PAK5: variants seen among roughly 807,000 people sequenced by gnomAD.
PAK5 encodes p21 (RAC1) activated kinase 5, also known as serine/threonine-protein kinase PAK 5.
PAK5 carries 16 observed loss-of-function variants against 65.9 expected under a neutral mutation model. The observed-to-expected ratio is 0.24, with a 90% CI of 0.16 to 0.37. The LOEUF (loss-of-function observed/expected upper bound fraction) is 0.37. PAK5 is among the 10% of genes least tolerant of loss of function. The probability of loss-of-function intolerance (pLI) is 1.00; values close to 1 mark genes in which losing one functional copy is unlikely to be tolerated. For synonymous variants in PAK5, 371 were observed against 354.9 expected (o/e 1.05, Z -0.51); for missense variants, 785 against 903.9 (o/e 0.87, Z 1.69).
intron 3 of PAK5, among the ~76,000 whole-genome samples, chr20:9,614,814 T>A (rs994236731): frequency 6.6e-6 from 1 of 152,218 alleles, no homozygotes; most frequent in African/African-American, 2.4e-5. Flanking sequence ...ATCTGCCTTG[T>A]TAAATGTTCA....
chr20:9,557,020 T>A (rs759838192), intron 7 of PAK5, among the ~76,000 whole-genome samples: 3 of 152,176 alleles, frequency 2.0e-5, no homozygotes, highest in Non-Finnish European at 4.4e-5. Flanking sequence ...CTCCGAAATC[T>A]ATAGCAATCT....
chr20:9,611,526 C>T lies in PAK5; in HGVS notation c.205-30596G>A, dbSNP rs192355795. ...CAAAAGCTCTTTTCTTGTCACTTCT[C>T]TACAAAATTATCCATCTTTGTTAAG... On this transcript the variant is annotated intron_variant, in intron 3 of 9. Transcript: ENST00000353224. 2.3e-3 allele frequency among the ~76,000 whole-genome samples: 355 copies of T among 152,328 alleles called. 2 individuals carry two copies. The highest frequency in any genetic ancestry group is 7.0e-3 in the African/African-American group (291 of 41,578).
intron 3 of PAK5, among the ~76,000 whole-genome samples, chr20:9,613,176 G>A (rs751644944): frequency 5.3e-5 from 8 of 152,202 alleles, no homozygotes. Flanking sequence ...CCAGTGACAC[G>A]TAGGAAGCTT....
intron 1 of PAK5, among the ~76,000 whole-genome samples, chr20:9,741,461 G>A (rs2048450345): frequency 6.6e-6 from 1 of 152,020 alleles, no homozygotes; most frequent in Non-Finnish European, 1.5e-5. Flanking sequence ...ATAAGCTTTC[G>A]GAGGAATGAG....
chr20:9,632,997 C>T lies in PAK5; in HGVS notation c.204+11128G>A, dbSNP rs1408197744. Among the ~76,000 whole-genome samples the T allele has an allele frequency of 3.9e-5, 6 of 152,070 alleles. No homozygotes were observed. In the East Asian group the frequency reaches 5.8e-4, roughly 15 times the overall value. On this transcript the variant is annotated intron_variant, in intron 3 of 9. Transcript: ENST00000353224. ...AGACTTGCTTTCCTTACCCAAAAGACGGAGTTACTACTCTCTAATTGAAAA... is the reference window on the plus strand; with the variant it reads ...AGACTTGCTTTCCTTACCCAAAAGATGGAGTTACTACTCTCTAATTGAAAA...
chr20:9,661,762 C>A (rs2047350297), intron 2 of PAK5, among the ~76,000 whole-genome samples: 1 of 152,068 alleles, frequency 6.6e-6, no homozygotes, highest in African/African-American at 2.4e-5. Context: ...TTATTTAATG[C>A]CCCTACTAAA....
At chr20:9,819,729 G>A (rs1457529090) in intron 1 of PAK5, among the ~76,000 whole-genome samples, 3 of 152,076 alleles carry the variant, frequency 2.0e-5, no homozygotes, top group African/African-American at 7.2e-5. Flanking sequence ...ACCCAGGTGG[G>A]AATACAAAAG....
intron 8 of PAK5, 74 bp from the exon 9 acceptor site, chr20:9,542,794 C>A: frequency 7.6e-7 from 1 of 1,313,322 alleles, no homozygotes; most frequent in Non-Finnish European, 1.1e-6. Flanking sequence ...CACAGAACCT[C>A]ATACTCATTC....
intron 8 of PAK5, 81 bp downstream of exon 8, chr20:9,544,288 G>A: frequency 6.9e-7 from 1 of 1,456,600 alleles, no homozygotes. Context: ...CCCATCTCCT[G>A]TGGTCACCAA....
chr20:9,660,016 C>T (rs548907905), intron 2 of PAK5, among the ~76,000 whole-genome samples: 30 of 152,242 alleles, frequency 2.0e-4, no homozygotes, highest in African/African-American at 7.2e-4. Flanking sequence ...AACTGAGAGT[C>T]ACAATAAGAG....
At chr20:9,801,563 TTTTAATAGAC>T (rs1470394420) in intron 1 of PAK5, among the ~76,000 whole-genome samples, 1 of 150,980 alleles carries the variant, frequency 6.6e-6, no homozygotes, top group East Asian at 1.9e-4. Context: ...CATATGGAGC[TTTTAATAGAC>T]TTTAATAGAC....
intron 1 of PAK5, among the ~76,000 whole-genome samples, chr20:9,726,303 T>C (rs775754355): frequency 6.6e-6 from 1 of 152,182 alleles, no homozygotes; most frequent in African/African-American, 2.4e-5. Flanking sequence ...GCTACTTTTC[T>C]TGAATATGAT....
chr20:9,661,223 T>C (rs368554860), intron 2 of PAK5, among the ~76,000 whole-genome samples: 16 of 152,286 alleles, frequency 1.1e-4, no homozygotes, highest in African/African-American at 3.6e-4. Flanking sequence ...GGTTTCCAGG[T>C]ATATTCATTT....
At chr20:9,696,958 T>C (rs1205655560) in intron 2 of PAK5, among the ~76,000 whole-genome samples, 1 of 152,100 alleles carries the variant, frequency 6.6e-6, no homozygotes, top group East Asian at 1.9e-4. Context: ...GTTGAATGAA[T>C]GAATGGATAG....
intron 1 of PAK5, among the ~76,000 whole-genome samples, chr20:9,821,575 C>T (rs1057248455): frequency 7.9e-5 from 12 of 152,230 alleles, no homozygotes; most frequent in African/African-American, 2.4e-4. Context: ...CTATCCTAAA[C>T]GACCTCAACT....
chr20:9,799,785 G>T (rs2123733057), intron 1 of PAK5, among the ~76,000 whole-genome samples: 1 of 151,434 alleles, frequency 6.6e-6, no homozygotes, highest in Non-Finnish European at 1.5e-5. Context: ...AAAAAAAAAT[G>T]TTTACATTAG....
chr20:9,789,707 AGGAGTTTGGGG>A (rs2049029831), intron 1 of PAK5, among the ~76,000 whole-genome samples: 1 of 152,132 alleles, frequency 6.6e-6, no homozygotes. Context: ...GGGAAAGACC[AGGAGTTTGGGG>A]GCAGACAAAC....
intron 1 of PAK5, among the ~76,000 whole-genome samples, chr20:9,825,447 G>A (rs1052115881): frequency 5.9e-5 from 9 of 152,128 alleles, no homozygotes; most frequent in Admixed American, 5.9e-4. Flanking sequence ...ACTGCTGTGA[G>A]CACAGTTGCA....
intron 2 of PAK5, among the ~76,000 whole-genome samples, chr20:9,701,875 C>T (rs1302444895): frequency 6.6e-6 from 1 of 151,948 alleles, no homozygotes; most frequent in Non-Finnish European, 1.5e-5. Context: ...TGGCCTGCAC[C>T]TGTAGTCCCA....
Sources: gnomAD v4.1 joint callset for allele counts (sites outside exome capture counted in the v4.1 genomes callset) on GRCh38, gnomAD v4.1.1 for gene constraint, MANE v1.5 for transcripts, NCBI Gene and HGNC (gene_info 2026-07-23, HGNC 2026-07-21) for gene names.